The following PTH2R variants were observed in gnomAD, a reference collection of about 807,000 sequenced individuals.
PTH2R encodes the protein PTH2 receptor.
PTH2R carries 59 observed loss-of-function variants against 60.3 expected under a neutral mutation model. The ratio of observed to expected loss-of-function variants is 0.98; its 90% confidence interval spans 0.79 to 1.22. The LOEUF is 1.22. Ranked by LOEUF, PTH2R falls within the 50% of genes most tolerant of loss-of-function variation. The pLI, the probability that PTH2R is intolerant of heterozygous loss-of-function variation, is 0.00. For synonymous variants in PTH2R, 256 were observed against 243.8 expected (o/e 1.05, Z -0.47); for missense variants, 749 against 682.6 (o/e 1.10, Z -1.08).
chr2:208,465,465 C>T (rs867090076), intron 9 of PTH2R, among the ~76,000 whole-genome samples: 16 of 113,762 alleles, frequency 1.4e-4, no homozygotes, highest in South Asian at 3.2e-4. Flanking sequence ...TGCAGTGGTG[C>T]GATCTCAGCT....
chr2:208,411,203 A>G (rs1701533453), intron 1 of PTH2R, among the ~76,000 whole-genome samples: 1 of 152,194 alleles, frequency 6.6e-6, no homozygotes, highest in Non-Finnish European at 1.5e-5. Flanking sequence ...CTGAGATCAT[A>G]CCAAGTCCTA....
chr2:208,412,840 A>G (rs770784874), intron 1 of PTH2R, among the ~76,000 whole-genome samples: 5 of 152,208 alleles, frequency 3.3e-5, no homozygotes, highest in Non-Finnish European at 7.4e-5. Context: ...GAAACTACCC[A>G]CATTTCTATT....
chr2:208,377,122 G>T (rs1263404955), intron 1 of PTH2R, among the ~76,000 whole-genome samples: 1 of 152,008 alleles, frequency 6.6e-6, no homozygotes, highest in Non-Finnish European at 1.5e-5. Context: ...AGCACATCTT[G>T]CATGGCCCTT....
chr2:208,365,956 ATATATTTTTTTTTTTTTTTTTTTT>A (rs1700582075), intron 1 of PTH2R, among the ~76,000 whole-genome samples: 1 of 19,440 alleles, frequency 5.1e-5, no homozygotes, highest in African/African-American at 2.0e-4. Flanking sequence ...ATATATATAT[ATATATTTTTTTTTTTTTTTTTTTT>A]TTTTTTTTTT....
intron 2 of PTH2R, among the ~76,000 whole-genome samples, chr2:208,434,359 C>G (rs996733455): frequency 6.6e-6 from 1 of 151,772 alleles, no homozygotes; most frequent in African/African-American, 2.4e-5. Flanking sequence ...TTTTTTCAAC[C>G]TTTTGTGAAC....
intron 11 of PTH2R, 144 bp from the exon 12 acceptor site, chr2:208,490,495 A>C (rs1340496609): frequency 3.2e-6 from 2 of 632,716 alleles, no homozygotes; most frequent in Non-Finnish European, 5.2e-6. Context: ...AAGGATTTGG[A>C]AACACTAGGA....
intron 1 of PTH2R, among the ~76,000 whole-genome samples, chr2:208,371,057 C>T (rs756244983): frequency 2.0e-5 from 3 of 152,034 alleles, no homozygotes; most frequent in African/African-American, 4.8e-5. Context: ...ACTCACTCAT[C>T]ACCATGGGGA....
intron 1 of PTH2R, among the ~76,000 whole-genome samples, chr2:208,396,540 C>A (rs1040597493): frequency 6.6e-6 from 1 of 152,156 alleles, no homozygotes; most frequent in African/African-American, 2.4e-5. Context: ...ATGCACCCAA[C>A]AGACACATGA....
At chr2:208,424,539 A>G (rs1247885187) in intron 1 of PTH2R, among the ~76,000 whole-genome samples, 1 of 152,198 alleles carries the variant, frequency 6.6e-6, no homozygotes, top group Non-Finnish European at 1.5e-5. Context: ...TGGATCTTAC[A>G]ACTTCCACAT....
rs367871496 is a variant in PTH2R, at chr2:208,389,928, G to A, written c.-259+29691G>A. ...AAGTAAGCTGCTACTATTAGCAAAC[G>A]TTATAGAAGGGTCTCGAGTTCCATG... On this transcript the variant is annotated intron_variant, in intron 1 of 12. Transcript: ENST00000617735. Among the ~76,000 whole-genome samples the A allele has an allele frequency of 4.6e-5, 7 of 152,120 alleles. No individual in the cohort carries two copies. In the South Asian group the frequency reaches 8.3e-4, roughly 18 times the overall value.
chr2:208,463,165 C>T (rs1702666659), intron 9 of PTH2R, among the ~76,000 whole-genome samples: 1 of 152,098 alleles, frequency 6.6e-6, no homozygotes, highest in African/African-American at 2.4e-5. Flanking sequence ...TGACCTGGTC[C>T]CTTCTTCCTC....
intron 1 of PTH2R, among the ~76,000 whole-genome samples, chr2:208,375,118 T>C (rs1700770430): frequency 6.6e-6 from 1 of 152,166 alleles, no homozygotes; most frequent in African/African-American, 2.4e-5. Flanking sequence ...AGATGAGATT[T>C]GTTTTTACTT....
At position 208,456,198 on chromosome 2, in the gene PTH2R, C is replaced by A. The variant is rs937255458; in HGVS notation, c.915-3697C>A. Among the ~76,000 whole-genome samples, 6 of 151,818 alleles carry A rather than the reference C, an allele frequency of 4.0e-5. No individual in the cohort carries two copies. The East Asian group carries it at 1.2e-3, about 29-fold the overall frequency. On this transcript the variant is annotated intron_variant, in intron 8 of 12. Coordinates refer to ENST00000272847, the MANE Select transcript of PTH2R (RefSeq NM_005048.4). ...CAGAGGCTACAGTGAGCCGAGATCA[C>A]GCCACTGCACTCCAGCCTGGGCAAC...
At chr2:208,404,676 C>T (rs1331647223), upstream of PTH2R, among the ~76,000 whole-genome samples, 3 of 152,106 alleles carry the variant, frequency 2.0e-5, no homozygotes, top group Non-Finnish European at 4.4e-5. Context: ...AAGACACTTG[C>T]ACACGAGCCA....
At chr2:208,420,947 T>G (rs1434726300) in intron 1 of PTH2R, among the ~76,000 whole-genome samples, 1 of 152,210 alleles carries the variant, frequency 6.6e-6, no homozygotes, top group African/African-American at 2.4e-5. Flanking sequence ...CTCCCTTCCC[T>G]GCAACACCTG....
intron 8 of PTH2R, among the ~76,000 whole-genome samples, chr2:208,458,114 C>A (rs1305716844): frequency 2.0e-5 from 3 of 152,074 alleles, no homozygotes; most frequent in African/African-American, 7.2e-5. Context: ...GCTATTTATT[C>A]CAGTGTAAGA....
chr2:208,493,661 TG>T lies in PTH2R; in HGVS notation c.*4del, dbSNP rs769645532. 1 of 1,535,612 alleles carries T rather than the reference TG, an allele frequency of 6.5e-7. No individual in the cohort carries two copies. Among genetic ancestry groups the T allele is most frequent in the Non-Finnish European group, 8.8e-7 (1 of 1,137,636 alleles). ...GGAGAAACTGAGGATGTTCTCTGAA[TG>T]GACATTTGTGGCTGACTTTCATGGG... On this transcript the variant is annotated 3_prime_UTR_variant, in exon 13 of 13. Transcript: ENST00000272847.
rs758411925 is a variant in PTH2R at position 208,481,102 on chromosome 2, A to G, written c.1014A>G (p.Arg338=). 5.6e-6 allele frequency: 9 copies of G among 1,611,326 alleles called. No homozygotes were observed. Among genetic ancestry groups the G allele is most frequent in the Non-Finnish European group, 7.6e-6 (9 of 1,177,818 alleles). ...TTATTCTGTTTCTGAATACGGTTAG[A>G]GTTCTAGCTACCAAAATCTGGGAGA... ...LNFILFLNTV[R]VLATKIWETN... The change falls in exon 10 of 13, where the codon AGA becomes AGG. Residue 338 remains arginine (R), a synonymous_variant. Transcript: ENST00000272847.
intron 1 of PTH2R, among the ~76,000 whole-genome samples, chr2:208,407,595 C>G (rs2105831276): frequency 6.6e-6 from 1 of 152,314 alleles, no homozygotes; most frequent in Non-Finnish European, 1.5e-5. Flanking sequence ...CACATACATT[C>G]AAGTTAGGAG....
Sources: gnomAD v4.1 joint callset for allele counts (sites outside exome capture counted in the v4.1 genomes callset) on GRCh38, gnomAD v4.1.1 for gene constraint, MANE v1.5 for transcripts, NCBI Gene and HGNC (gene_info 2026-07-23, HGNC 2026-07-21) for gene names.